GABRG3: variants seen among roughly 807,000 people sequenced by gnomAD.
GABRG3 encodes the protein gamma-aminobutyric acid type A receptor subunit gamma3, also known as gamma-aminobutyric acid receptor subunit gamma-3.
Under a neutral mutation model 48.8 loss-of-function variants are expected in GABRG3, and 25 were observed. The ratio of observed to expected loss-of-function variants is 0.51; its 90% CI spans 0.37 to 0.72. The LOEUF (loss-of-function observed/expected upper bound fraction) is 0.72. GABRG3 is among the 30% of genes least tolerant of loss of function. The pLI is 0.00. For missense variants in GABRG3, 394 were observed against 577.9 expected, an observed-to-expected ratio of 0.68 and a Z score of 3.26; for synonymous variants, 227 against 217.6, an observed-to-expected ratio of 1.04 and a Z score of -0.38.
intron 5 of GABRG3, among the ~76,000 whole-genome samples, chr15:27,435,222 A>G (rs1267455496): frequency 6.7e-6 from 1 of 149,576 alleles, no homozygotes. Context: ...TATAAATTAT[A>G]TTATACTATT....
intron 3 of GABRG3, among the ~76,000 whole-genome samples, chr15:27,152,923 C>T (rs983948359): frequency 4.6e-4 from 69 of 150,116 alleles, no homozygotes; most frequent in African/African-American, 1.4e-3. Flanking sequence ...TGCAGTGGCG[C>T]GATCTCGGCT....
At chr15:27,450,268 A>G (rs1238883127) in intron 5 of GABRG3, among the ~76,000 whole-genome samples, 1 of 152,188 alleles carries the variant, frequency 6.6e-6, no homozygotes. Context: ...ACAAAGAAAA[A>G]CTGACAGGCC....
chr15:27,308,580 A>G (rs1054876173), intron 3 of GABRG3, among the ~76,000 whole-genome samples: 2 of 147,320 alleles, frequency 1.4e-5, no homozygotes, highest in Non-Finnish European at 3.0e-5. Flanking sequence ...CATAATGTAA[A>G]CATACATTTA....
At chr15:27,084,881 A>G (rs1409814241) in intron 3 of GABRG3, among the ~76,000 whole-genome samples, 1 of 152,174 alleles carries the variant, frequency 6.6e-6, no homozygotes, top group Non-Finnish European at 1.5e-5. Context: ...GATGGGATCA[A>G]CATAAAACGT....
intron 3 of GABRG3, among the ~76,000 whole-genome samples, chr15:27,233,665 ACAC>A (rs1450495851): frequency 1.3e-5 from 2 of 152,164 alleles, no homozygotes; most frequent in Non-Finnish European, 2.9e-5. Flanking sequence ...GACTTTCAAC[ACAC>A]GAATTTTGGG....
intron 3 of GABRG3, among the ~76,000 whole-genome samples, chr15:27,076,864 T>A (rs963736451): frequency 6.6e-6 from 1 of 152,186 alleles, no homozygotes; most frequent in Non-Finnish European, 1.5e-5. Context: ...GGATCTCTGG[T>A]GTCCAGAGCT....
chr15:27,072,118 T>C (rs957235262), intron 3 of GABRG3, among the ~76,000 whole-genome samples: 3 of 152,226 alleles, frequency 2.0e-5, no homozygotes, highest in African/African-American at 7.2e-5. Context: ...AATCATGCTT[T>C]CGTAATGACA....
At chr15:27,315,738 A>G (rs1893190774) in intron 3 of GABRG3, among the ~76,000 whole-genome samples, 1 of 152,382 alleles carries the variant, frequency 6.6e-6, no homozygotes, top group Non-Finnish European at 1.5e-5. Context: ...AGATACATTC[A>G]TTATACAACT....
intron 3 of GABRG3, among the ~76,000 whole-genome samples, chr15:27,086,430 C>G (rs1221591000): frequency 6.6e-6 from 1 of 152,142 alleles, no homozygotes; most frequent in Non-Finnish European, 1.5e-5. Context: ...CCAACTTTAT[C>G]TCTGAAAATG....
intron 3 of GABRG3, among the ~76,000 whole-genome samples, chr15:27,093,980 C>CAGTATT (rs1317930444): frequency 1.3e-5 from 2 of 152,160 alleles, no homozygotes; most frequent in Non-Finnish European, 2.9e-5. Flanking sequence ...ATGTTATTAG[C>CAGTATT]AGTATTAGTC....
chr15:27,069,675 C>A (rs1408548270), intron 3 of GABRG3, among the ~76,000 whole-genome samples: 1 of 152,188 alleles, frequency 6.6e-6, no homozygotes, highest in Admixed American at 6.5e-5. Context: ...TTTAAATTTC[C>A]ACCTGTATAC....
At chr15:27,356,626 A>G (rs1388936744) in intron 5 of GABRG3, among the ~76,000 whole-genome samples, 1 of 152,234 alleles carries the variant, frequency 6.6e-6, no homozygotes, top group East Asian at 1.9e-4. Flanking sequence ...AAGAAGGAAA[A>G]TAAAGGATCA....
At chr15:27,432,762 A>G (rs1311217969) in intron 5 of GABRG3, among the ~76,000 whole-genome samples, 1 of 152,008 alleles carries the variant, frequency 6.6e-6, no homozygotes, top group Non-Finnish European at 1.5e-5. Context: ...CTTTCCTATC[A>G]CATTTTGCTA....
chr15:27,010,504 G>T (rs996585633), intron 2 of GABRG3, among the ~76,000 whole-genome samples: 5 of 152,150 alleles, frequency 3.3e-5, no homozygotes, highest in African/African-American at 1.2e-4. Flanking sequence ...AAGATCCAGG[G>T]TAACATCAGT....
At chr15:27,512,521 A>G (rs1039413561) in intron 6 of GABRG3, among the ~76,000 whole-genome samples, 2 of 152,210 alleles carry the variant, frequency 1.3e-5, no homozygotes, top group African/African-American at 4.8e-5. Context: ...TTATACCTGT[A>G]TGGACACATT....
At chr15:27,163,196 A>G (rs554849815) in intron 3 of GABRG3, among the ~76,000 whole-genome samples, 110 of 152,104 alleles carry the variant, frequency 7.2e-4, no homozygotes, top group African/African-American at 2.6e-3. Context: ...AGAGACTCCT[A>G]CTGCCCTCTA....
At chr15:27,320,300 G>A (rs1320036536) in intron 3 of GABRG3, among the ~76,000 whole-genome samples, 1 of 152,212 alleles carries the variant, frequency 6.6e-6, no homozygotes, top group Non-Finnish European at 1.5e-5. Flanking sequence ...ACCCGGCTAA[G>A]GGGATGCTTT....
intron 3 of GABRG3, among the ~76,000 whole-genome samples, chr15:27,171,976 A>C (rs1274826037): frequency 1.3e-5 from 2 of 151,764 alleles, no homozygotes; most frequent in Non-Finnish European, 2.9e-5. Flanking sequence ...GGAAGGTGTC[A>C]CATGCCGAAT....
At chr15:27,301,945 A>G (rs989838466) in intron 3 of GABRG3, among the ~76,000 whole-genome samples, 4 of 152,098 alleles carry the variant, frequency 2.6e-5, no homozygotes, top group African/African-American at 9.7e-5. Context: ...AGAGCTGCCA[A>G]TCTAGACTTC....
Sources: allele counts gnomAD v4.1 joint callset (sites outside exome capture counted in the v4.1 genomes callset), GRCh38; gene constraint gnomAD v4.1.1; transcripts MANE v1.5; gene names NCBI Gene and HGNC (gene_info 2026-07-23, HGNC 2026-07-21).